FLYWCH1: variants seen among roughly 807,000 people sequenced by gnomAD.
FLYWCH1 encodes the protein FLYWCH-type zinc finger-containing protein 1.
FLYWCH1 carries 75 observed loss-of-function variants against 66.4 expected under a neutral mutation model. The observed-to-expected ratio is 1.13, with a 90% CI of 0.94 to 1.37. The LOEUF (loss-of-function observed/expected upper bound fraction) is 1.37. Ranked by LOEUF, FLYWCH1 falls within the 40% of genes most tolerant of loss-of-function variation. The pLI is 0.00. For synonymous variants in FLYWCH1, 595 were observed against 429.9 expected, an observed-to-expected ratio of 1.38 and a Z score of -4.75; for missense variants, 1,334 against 1,001.8, an observed-to-expected ratio of 1.33 and a Z score of -4.48.
chr16:2,929,481 C>T (rs1201472522), intron 2 of FLYWCH1, 132 bp from the exon 3 acceptor site: 1 of 652,828 alleles, frequency 1.5e-6, no homozygotes, highest in Admixed American at 3.0e-5. Context: ...AGCCTAGTTC[C>T]ATCAGGCCCC....
At position 2,929,918 on chromosome 16, in the gene FLYWCH1, G is replaced by C; in HGVS notation, c.233G>C (p.Ser78Thr). 1 of 1,613,742 alleles carries C rather than the reference G, an allele frequency of 6.2e-7. No homozygotes were observed. Among genetic ancestry groups the C allele is most frequent in the Non-Finnish European group, 8.5e-7 (1 of 1,179,870 alleles). Residue 78 changes from serine to threonine, a missense_variant, in exon 3 of 10, where the codon AGC (serine) becomes ACC (threonine). Physicochemically the swap from Ser to Thr is moderately conservative, Grantham distance 58 (BLOSUM62 1). Coordinates refer to ENST00000253928, the MANE Select transcript of FLYWCH1 (RefSeq NM_001308068.2). ...ATGGCTGGCCCCGCCACCCTCGCCA[G>C]CACCTTGCAGATCCTGCCAGTTGAG... is the stretch of plus-strand genomic sequence containing the variant. ...LEMAGPATLA[S>T]TLQILPVEEQ...
intron 2 of FLYWCH1, among the ~76,000 whole-genome samples, chr16:2,918,570 A>G (rs1032719459): frequency 4.6e-5 from 7 of 151,322 alleles, no homozygotes; most frequent in African/African-American, 1.7e-4. Flanking sequence ...CCTCCTGAAT[A>G]GCTGGGATTA....
intron 2 of FLYWCH1, among the ~76,000 whole-genome samples, chr16:2,924,400 T>G (rs1567325540): frequency 6.6e-6 from 1 of 151,980 alleles, no homozygotes; most frequent in Non-Finnish European, 1.5e-5. Context: ...TCAGCTATTG[T>G]GTAGCATACG....
At chr16:2,927,642 G>A (rs886423286) in intron 2 of FLYWCH1, among the ~76,000 whole-genome samples, 1 of 152,170 alleles carries the variant, frequency 6.6e-6, no homozygotes, top group African/African-American at 2.4e-5. Context: ...TGGCCAAATT[G>A]GTCGTCTAAA....
chr16:2,913,162 G>T (rs1409422756), intron 1 of FLYWCH1: 1 of 152,212 alleles, frequency 6.6e-6, no homozygotes, highest in Non-Finnish European at 1.5e-5. Flanking sequence ...AGAGTGACCT[G>T]TCAGCACCCT....
chr16:2,923,930 T>C (rs116718435), intron 2 of FLYWCH1, among the ~76,000 whole-genome samples: 1,968 of 152,094 alleles, frequency 0.013, 36 homozygotes, highest in African/African-American at 0.042. Flanking sequence ...TCGCAGCTAC[T>C]TGGGAGTCTG....
intron 2 of FLYWCH1, among the ~76,000 whole-genome samples, chr16:2,923,489 G>A (rs376486873): frequency 2.0e-5 from 3 of 151,914 alleles, no homozygotes; most frequent in Non-Finnish European, 2.9e-5. Context: ...CAGGTGATCC[G>A]CCCGCCTCAG....
intron 6 of FLYWCH1, 97 bp downstream of exon 6, chr16:2,934,076 C>T (rs2070894477): frequency 1.5e-6 from 2 of 1,360,808 alleles, no homozygotes; most frequent in Non-Finnish European, 1.9e-6. Flanking sequence ...TGGCAAACGT[C>T]CTCTTCCCTT....
intron 2 of FLYWCH1, among the ~76,000 whole-genome samples, chr16:2,924,219 C>A (rs1490064504): frequency 2.0e-5 from 3 of 151,784 alleles, no homozygotes; most frequent in Non-Finnish European, 2.9e-5. Flanking sequence ...AGTCCCAGCT[C>A]CTCGGGAGGC....
Position 2,933,801 on chromosome 16 carries a change from G to A in FLYWCH1, c.1335G>A (p.Gly445=), listed in dbSNP as rs2070878502. ...SFLYRREKAA[G]EKVYWTCRDQ... ...TCTACCGGCGGGAGAAGGCGGCTGGGGAGAAGGTGTATTGGACCTGCCGGG... is the reference window on the plus strand; with the variant it reads ...TCTACCGGCGGGAGAAGGCGGCTGGAGAGAAGGTGTATTGGACCTGCCGGG... Residue 445 remains glycine (G), a synonymous_variant, in exon 6 of 10, where the codon GGG becomes GGA. Transcript: ENST00000253928. The A allele has an allele frequency of 6.2e-7, 1 of 1,609,800 alleles. No homozygotes were observed. Among genetic ancestry groups the A allele is most frequent in the South Asian group, 1.1e-5 (1 of 90,682 alleles).
chr16:2,945,081 G>C (rs1201576632), intron 9 of FLYWCH1, among the ~76,000 whole-genome samples: 7 of 152,066 alleles, frequency 4.6e-5, no homozygotes. Flanking sequence ...CGGGCATGGT[G>C]GCTCACACCT....
At chr16:2,942,644 G>GTAATACAGCATCTGTACAGATCAGCCT (rs1555488147) in intron 9 of FLYWCH1, among the ~76,000 whole-genome samples, 2 of 39,648 alleles carry the variant, frequency 5.0e-5, no homozygotes, top group African/African-American at 3.3e-4. Flanking sequence ...ACCAATTAAT[G>GTAATACAGCATCTGTACAGATCAGCCT]TAACACAGCA....
At chr16:2,928,225 C>A (rs973558261) in intron 2 of FLYWCH1, among the ~76,000 whole-genome samples, 2 of 152,196 alleles carry the variant, frequency 1.3e-5, no homozygotes, top group Non-Finnish European at 2.9e-5. Context: ...TTCCCAGGGA[C>A]GAGCAGGGGA....
intron 7 of FLYWCH1, 55 bp downstream of exon 7, chr16:2,937,439 CA>C: frequency 1.4e-6 from 2 of 1,474,644 alleles, no homozygotes; most frequent in Non-Finnish European, 1.8e-6. Flanking sequence ...ACCTGTGCCC[CA>C]CACGCTGGCT....
At chr16:2,927,579 G>C (rs892987220) in intron 2 of FLYWCH1, among the ~76,000 whole-genome samples, 1 of 152,218 alleles carries the variant, frequency 6.6e-6, no homozygotes, top group Non-Finnish European at 1.5e-5. Context: ...AGCAATGACT[G>C]GGGTTGCTTT....
intron 6 of FLYWCH1, 65 bp downstream of exon 6, chr16:2,934,044 C>T (rs2070892935): frequency 2.8e-6 from 4 of 1,442,506 alleles, no homozygotes; most frequent in Middle Eastern, 4.8e-4. Flanking sequence ...CTGCCTTTCC[C>T]TCTCCATGCT....
intron 2 of FLYWCH1, among the ~76,000 whole-genome samples, chr16:2,924,856 C>T (rs573744381): frequency 1.3e-5 from 2 of 152,218 alleles, no homozygotes; most frequent in Non-Finnish European, 2.9e-5. Flanking sequence ...GAACTTTTTC[C>T]AGATCTGTTG....
intron 4 of FLYWCH1, among the ~76,000 whole-genome samples, chr16:2,931,303 A>G (rs35449052): frequency 0.25 from 29,070 of 116,666 alleles, 3,766 homozygotes; most frequent in Admixed American, 0.33. Context: ...ACTCCATCTC[A>G]GTAAAAAAAA....
At chr16:2,948,567 A>T in intron 9 of FLYWCH1, 121 bp from the exon 10 acceptor site, 3 of 1,046,348 alleles carry the variant, frequency 2.9e-6, no homozygotes, top group African/African-American at 1.6e-5. Flanking sequence ...CGTCTCAAAA[A>T]TAAATGTTCT....
Sources: gnomAD v4.1 joint callset for allele counts (sites outside exome capture counted in the v4.1 genomes callset) on GRCh38, gnomAD v4.1.1 for gene constraint, MANE v1.5 for transcripts, NCBI Gene and HGNC (gene_info 2026-07-23, HGNC 2026-07-21) for gene names.